The following CEP164 variants were observed in gnomAD, a reference collection of about 807,000 sequenced individuals.
The protein encoded by CEP164 is centrosomal protein 164.
A neutral mutation model predicts 182.7 loss-of-function variants in CEP164; 162 were observed. That is an observed-to-expected ratio of 0.89 (90% CI 0.78 to 1.01). The LOEUF (loss-of-function observed/expected upper bound fraction) is 1.01. Ranked by LOEUF, CEP164 falls within the 50% of genes least tolerant of loss-of-function variation. The probability of loss-of-function intolerance (pLI) is 0.00; values close to 1 mark genes in which losing one functional copy is unlikely to be tolerated. For missense variants in CEP164, 1,735 were observed against 1,790.4 expected, an observed-to-expected ratio of 0.97 and a Z score of 0.56; for synonymous variants, 661 against 690.0, an observed-to-expected ratio of 0.96 and a Z score of 0.66.
At chr11:117,365,744 TA>T (rs2041562317) in intron 8 of CEP164, among the ~76,000 whole-genome samples, 1 of 152,002 alleles carries the variant, frequency 6.6e-6, no homozygotes, top group African/African-American at 2.4e-5. Context: ...CATGCCTGGC[TA>T]ATTTTTGTAT....
At chr11:117,345,553 C>T (rs780920362) in intron 4 of CEP164, among the ~76,000 whole-genome samples, 9 of 152,184 alleles carry the variant, frequency 5.9e-5, no homozygotes, top group Admixed American at 2.0e-4. Flanking sequence ...GTAGACAAGG[C>T]GTAATCATCC....
rs748085058 is a variant in CEP164 at position 117,409,892 on chromosome 11, G to A, written c.4023G>A (p.Gly1341=). The A allele has an allele frequency of 9.3e-6, 15 of 1,613,970 alleles. No homozygotes were observed. In the South Asian group the frequency reaches 1.2e-4, roughly 13 times the overall value. ...AATGGGCCTGGGATTCAGGGCAGGG[G>A]CCCAGGCTCCCCTCCTCTGTGGCTC... ...STQWAWDSGQ[G]PRLPSSVAQT... Residue 1341 remains glycine, a synonymous_variant, in exon 30 of 33, where the codon GGG becomes GGA. Transcript: ENST00000278935. This position sits in a 1 kb window ranked among gnomAD's most constrained non-coding sequence, Gnocchi z 4.4.
At chr11:117,361,330 T>TCCCGGTTTCAAGTGATTCTCCTGCTTCAG (rs1166149655) in intron 5 of CEP164, among the ~76,000 whole-genome samples, 11 of 138,554 alleles carry the variant, frequency 7.9e-5, no homozygotes, top group Non-Finnish European at 1.5e-4. Flanking sequence ...AACCTCTGCC[T>TCCCGGTTTCAAGTGATTCTCCTGCTTCAG]CCCGGTTTCA....
intron 27 of CEP164, among the ~76,000 whole-genome samples, chr11:117,407,250 C>T (rs1038078410): frequency 2.6e-5 from 4 of 151,926 alleles, no homozygotes; most frequent in African/African-American, 9.7e-5. Context: ...ACATGCTGCC[C>T]ACGACCCTGT....
chr11:117,373,779 A>C lies in CEP164; in HGVS notation c.1181A>C (p.Glu394Ala). The C allele has an allele frequency of 6.2e-7, 1 of 1,614,168 alleles. No homozygotes were observed. Among genetic ancestry groups the C allele is most frequent in the Non-Finnish European group, 8.5e-7 (1 of 1,180,022 alleles). ...CTGGAAATTAGTGAACACATGAAGG[A>C]ACCACAGCTCTCAGACTCCATAGCT... ...QELEISEHMK[E>A]PQLSDSIASD... Residue 394 changes from glutamate to alanine, a missense_variant, in exon 10 of 33, where the codon GAA becomes GCA. Coordinates refer to ENST00000278935, the MANE Select transcript of CEP164 (RefSeq NM_014956.5).
At chr11:117,392,108 C>T (rs908384772) in intron 17 of CEP164, 118 bp from the exon 18 acceptor site, 2 of 757,826 alleles carry the variant, frequency 2.6e-6, no homozygotes, top group African/African-American at 1.7e-5. Context: ...CTGTGCTTCC[C>T]CATGCTTCCC....
At chr11:117,336,541 G>A in intron 2 of CEP164, 1 of 1,530,738 alleles carries the variant, frequency 6.5e-7, no homozygotes, top group South Asian at 1.2e-5. Context: ...TGGATTGATA[G>A]GTGGTGGGTG....
chr11:117,359,533 C>T (rs1008953450), intron 5 of CEP164: 17 of 985,436 alleles, frequency 1.7e-5, no homozygotes, highest in African/African-American at 8.7e-5. Flanking sequence ...ACCCACCCAC[C>T]GGTCTGGCCC....
chr11:117,409,645 G>C lies in CEP164; in HGVS notation c.3776G>C (p.Arg1259Pro). ...RIDSTPSLTS[R>P]KIHGLSHSLR... ...GACTCAACCCCGAGTCTCACCTCCC[G>C]CAAGATCCACGGGCTTAGCCACTCC... The change falls in exon 30 of 33, where the codon CGC (arginine) becomes CCC (proline). Residue 1259 changes from arginine to proline, a missense_variant. Arg to Pro is a moderately radical substitution (Grantham distance 103). Coordinates refer to ENST00000278935, the MANE Select transcript of CEP164 (RefSeq NM_014956.5). This position sits in a 1 kb window ranked among gnomAD's most constrained non-coding sequence, Gnocchi z 4.4. The C allele has an allele frequency of 6.2e-7, 1 of 1,609,678 alleles. No homozygotes were observed. The highest frequency in any genetic ancestry group is 1.1e-5 in the South Asian group (1 of 90,990).
chr11:117,396,412 A>G (rs2045469463), intron 25 of CEP164, 138 bp from the exon 26 acceptor site: 3 of 825,586 alleles, frequency 3.6e-6, no homozygotes, highest in South Asian at 1.5e-5. Flanking sequence ...CAGTCAGATG[A>G]TATCTATAAG....
Position 117,409,043 on chromosome 11 carries a change from T to TG in CEP164, c.3748+16dup. ...GCAGCAGAGGAGTGAGTGGGGGAGA[T>TG]GCGGGGTGAGGACCATGGTATCCAT... On this transcript the variant is annotated intron_variant, in intron 29 of 32. Coordinates refer to ENST00000278935, the MANE Select transcript of CEP164 (RefSeq NM_014956.5). The surrounding 1 kb of genome is among the most constrained non-coding windows in gnomAD (Gnocchi z 4.4). The TG allele has an allele frequency of 1.2e-6, 2 of 1,613,676 alleles. No homozygotes were observed. The highest frequency in any genetic ancestry group is 1.7e-6 in the Non-Finnish European group (2 of 1,179,848).
chr11:117,343,629 CTTTTT>C (rs558296878), intron 3 of CEP164, among the ~76,000 whole-genome samples: 24 of 129,714 alleles, frequency 1.9e-4, no homozygotes, highest in African/African-American at 6.7e-4. Context: ...TATTTTTTGC[CTTTTT>C]TTTTTTTTTT....
At chr11:117,380,863 A>ACACATATACACACGCATG in intron 12 of CEP164, 158 bp downstream of exon 12, 2 of 642,076 alleles carry the variant, frequency 3.1e-6, no homozygotes, top group Non-Finnish European at 2.8e-6. Flanking sequence ...GTGTGTGCAC[A>ACACATATACACACGCATG]TGCGTGTGTA....
intron 27 of CEP164, among the ~76,000 whole-genome samples, chr11:117,405,882 C>T (rs1187180275): frequency 5.9e-5 from 9 of 152,198 alleles, no homozygotes; most frequent in Non-Finnish European, 1.0e-4. Flanking sequence ...CAACAAGTTC[C>T]TCATCTCCAT....
chr11:117,375,923 G>A, intron 11 of CEP164, 132 bp downstream of exon 11: 2 of 738,220 alleles, frequency 2.7e-6, no homozygotes, highest in East Asian at 2.6e-5. Context: ...ATTCATTAAG[G>A]CATGGTCCTG....
chr11:117,350,975 A>G (rs1466087793), intron 4 of CEP164, among the ~76,000 whole-genome samples: 3 of 151,964 alleles, frequency 2.0e-5, no homozygotes, highest in Non-Finnish European at 4.4e-5. Context: ...CTTGAAATAT[A>G]CCTCCTGCAT....
intron 5 of CEP164, chr11:117,355,571 T>C: frequency 8.2e-7 from 1 of 1,223,926 alleles, no homozygotes. Context: ...GCCCTCCCTG[T>C]CCTCTTGTTC....
rs969207580 is a variant in CEP164 at position 117,392,245 on chromosome 11, A to T, written c.2303A>T (p.Lys768Met). 5 of 1,608,712 alleles carry T rather than the reference A, an allele frequency of 3.1e-6. No individual in the cohort carries two copies. Among genetic ancestry groups the T allele is most frequent in the African/African-American group, 1.3e-5 (1 of 74,854 alleles). The change falls in exon 18 of 33, where the codon AAG (lysine) becomes ATG (methionine). Residue 768 changes from lysine (K) to methionine (M), a missense_variant. Lys to Met is a moderately conservative substitution (Grantham distance 95). Coordinates refer to ENST00000278935, the MANE Select transcript of CEP164 (RefSeq NM_014956.5). The stretch of plus-strand genomic sequence containing the variant: ...CCCCAGGCTGTGGCAACGCTGGAGA[A>T]GGAGCACAGTGCTGAGCTGGAGCGG... ...ERKEAVATLE[K>M]EHSAELERLC...
chr11:117,360,351 G>C (rs1221778853), intron 5 of CEP164, among the ~76,000 whole-genome samples: 1 of 151,966 alleles, frequency 6.6e-6, no homozygotes, highest in Non-Finnish European at 1.5e-5. Context: ...TAATTTTTTT[G>C]TAGAGACAGT....
Sources: allele counts gnomAD v4.1 joint callset (sites outside exome capture counted in the v4.1 genomes callset), GRCh38; gene constraint gnomAD v4.1.1; non-coding constraint Gnocchi (gnomAD v3.1); transcripts MANE v1.5; gene names NCBI Gene and HGNC (gene_info 2026-07-23, HGNC 2026-07-21).